The following IMPG1 variants were observed in gnomAD, a reference collection of about 807,000 sequenced individuals.
IMPG1 encodes the protein interphotoreceptor matrix proteoglycan 1.
IMPG1 carries 85 observed loss-of-function variants against 92.0 expected under a neutral mutation model. The observed-to-expected ratio is 0.92, with a 90% confidence interval of 0.78 to 1.11. The LOEUF is 1.11. IMPG1 is among the 50% of genes least tolerant of loss of function. IMPG1 has a pLI of 0.00. For missense variants in IMPG1, 1,022 were observed against 956.0 expected (o/e 1.07, Z -0.91); for synonymous variants, 367 against 334.1 (o/e 1.10, Z -1.08).
chr6:75,984,821 T>C (rs915831391), intron 12 of IMPG1, among the ~76,000 whole-genome samples: 8 of 152,064 alleles, frequency 5.3e-5, no homozygotes, highest in Non-Finnish European at 8.8e-5. Context: ...TGAGATCTAG[T>C]TGTTTAAAAG....
chr6:76,027,117 G>A (rs1258149588), intron 4 of IMPG1, among the ~76,000 whole-genome samples: 2 of 152,188 alleles, frequency 1.3e-5, no homozygotes, highest in African/African-American at 4.8e-5. Context: ...ACCTTGCAGT[G>A]CATGTGACTT....
chr6:75,950,506 TAAC>T, intron 13 of IMPG1, 53 bp downstream of exon 13: 1 of 1,409,870 alleles, frequency 7.1e-7, no homozygotes, highest in Non-Finnish European at 9.5e-7. Flanking sequence ...TATTATAAAA[TAAC>T]AACAAAGAAA....
chr6:76,065,026 C>T (rs1049647752), intron 1 of IMPG1, among the ~76,000 whole-genome samples: 1 of 151,964 alleles, frequency 6.6e-6, no homozygotes, highest in Non-Finnish European at 1.5e-5. Flanking sequence ...CTATTTTTCT[C>T]CCTTCAGGAT....
At chr6:75,933,890 G>A (rs1781700034) in intron 14 of IMPG1, among the ~76,000 whole-genome samples, 1 of 152,190 alleles carries the variant, frequency 6.6e-6, no homozygotes, top group Non-Finnish European at 1.5e-5. Flanking sequence ...AATCCATATG[G>A]ATATTGCCGA....
At position 76,011,224 on chromosome 6, in the gene IMPG1, T is replaced by A; in HGVS notation, c.808A>T (p.Met270Leu). ...GGAAGTTTCTTAAATATCTTTTGCA[T>A]CTGCAGAGAGAAAGAAATTTGTAAA... ...QELAGKSQLQ[M>L]QKIFKKLPGF... is the part of the protein sequence containing the mutation. Residue 270 changes from methionine (M) to leucine (L), a missense_variant and splice_region_variant, in exon 8 of 17, where the codon ATG becomes TTG. Met to Leu is a conservative substitution (Grantham distance 15). Coordinates refer to ENST00000369950, the MANE Select transcript of IMPG1 (RefSeq NM_001563.4). 1 of 1,529,788 alleles carries A rather than the reference T, an allele frequency of 6.5e-7. No homozygotes were observed. Among genetic ancestry groups the A allele is most frequent in the Non-Finnish European group, 9.0e-7 (1 of 1,105,234 alleles). 94.8% of individuals were successfully genotyped at this position (1,529,788 alleles called of 1,614,324 possible). A position where few individuals can be genotyped will look rare whatever the true frequency, so the allele number is the denominator to read the frequency against.
chr6:75,983,356 T>C (rs1782660441), intron 12 of IMPG1, among the ~76,000 whole-genome samples: 1 of 152,040 alleles, frequency 6.6e-6, no homozygotes, highest in African/African-American at 2.4e-5. Context: ...CAAAATAGCA[T>C]GGTACTGGCA....
At chr6:75,952,673 T>C (rs185147795) in intron 12 of IMPG1, among the ~76,000 whole-genome samples, 39 of 152,188 alleles carry the variant, frequency 2.6e-4, no homozygotes, top group African/African-American at 8.7e-4. Context: ...GTTCGGGCTC[T>C]AATCCCCAAT....
chr6:76,014,777 G>T (rs1317730498), intron 7 of IMPG1, among the ~76,000 whole-genome samples: 1 of 152,180 alleles, frequency 6.6e-6, no homozygotes. Context: ...AGCACTGCGG[G>T]GGAGAGCCCT....
intron 8 of IMPG1, among the ~76,000 whole-genome samples, chr6:76,008,091 G>C (rs927607385): frequency 6.6e-6 from 1 of 152,158 alleles, no homozygotes; most frequent in Non-Finnish European, 1.5e-5. Flanking sequence ...TGGGTGAGTG[G>C]TCTGTACTAA....
chr6:76,030,534 G>T (rs1171120588), intron 4 of IMPG1, among the ~76,000 whole-genome samples: 4 of 152,066 alleles, frequency 2.6e-5, no homozygotes, highest in Non-Finnish European at 5.9e-5. Context: ...CCCCTGAGAT[G>T]CATCCTCCAA....
chr6:75,962,273 C>A (rs1226750061), intron 12 of IMPG1, among the ~76,000 whole-genome samples: 2 of 151,848 alleles, frequency 1.3e-5, no homozygotes. Flanking sequence ...GCATGCACCA[C>A]CACACCCAGC....
At chr6:76,015,280 G>A (rs760528802) in intron 7 of IMPG1, among the ~76,000 whole-genome samples, 2 of 152,184 alleles carry the variant, frequency 1.3e-5, no homozygotes, top group Non-Finnish European at 2.9e-5. Flanking sequence ...CAGGCATTGG[G>A]CTGTGGTGGG....
intron 12 of IMPG1, among the ~76,000 whole-genome samples, chr6:75,974,387 CTTT>C (rs1562354756): frequency 0.013 from 778 of 60,858 alleles, 12 homozygotes; most frequent in East Asian, 0.024. Flanking sequence ...TTCTTTCTTT[CTTT>C]CTTTTCTTTC....
intron 12 of IMPG1, among the ~76,000 whole-genome samples, chr6:76,000,541 A>G (rs1355714877): frequency 6.6e-6 from 1 of 152,236 alleles, no homozygotes. Flanking sequence ...AAAAAAATTT[A>G]ATGATAAGCC....
chr6:75,990,764 A>T (rs1423894398), intron 12 of IMPG1, among the ~76,000 whole-genome samples: 1 of 152,186 alleles, frequency 6.6e-6, no homozygotes, highest in Admixed American at 6.5e-5. Flanking sequence ...TGACAACTGC[A>T]TGCAACTTGC....
chr6:75,951,997 A>T (rs902074690), intron 12 of IMPG1, among the ~76,000 whole-genome samples: 1 of 152,142 alleles, frequency 6.6e-6, no homozygotes, highest in Non-Finnish European at 1.5e-5. Flanking sequence ...CCACAGTTAC[A>T]TTATTACGCT....
chr6:76,011,283 T>G, intron 7 of IMPG1, 59 bp from the exon 8 acceptor site: 1 of 844,512 alleles, frequency 1.2e-6, no homozygotes, highest in Non-Finnish European at 2.0e-6. Flanking sequence ...AGTTCTTGCC[T>G]AACTGAAAAA....
At position 76,034,655 on chromosome 6, in the gene IMPG1, C is replaced by T. The variant is rs1783704845; in HGVS notation, c.434G>A (p.Ser145Asn). Residue 145 changes from serine to asparagine, a missense_variant, in exon 3 of 17, where the codon AGC becomes AAC. By Grantham distance (46) the Ser-to-Asn change is conservative. Around this residue, in one of 3 missense-constraint regions of IMPG1, gnomAD observed 681 missense variants for 583.6 expected, o/e 1.17. Coordinates refer to ENST00000369950, the MANE Select transcript of IMPG1 (RefSeq NM_001563.4). ...AAGATCCAGGTGCTCCTGGGAATTG[C>T]TGAAGTTTTTTCCAATGTCAAAGAG... Reference protein sequence around the residue: ...FCLFDIGKNFSNSQEHLDLLQ... With the variant: ...FCLFDIGKNFNNSQEHLDLLQ... The T allele has an allele frequency of 5.0e-6, 8 of 1,614,042 alleles. No individual in the cohort carries two copies. In the South Asian group the frequency reaches 8.8e-5, roughly 18 times the overall value.
intron 6 of IMPG1, among the ~76,000 whole-genome samples, chr6:76,020,138 A>G (rs554453584): frequency 6.6e-6 from 1 of 152,144 alleles, no homozygotes; most frequent in East Asian, 1.9e-4. Flanking sequence ...CTGCAGCCTC[A>G]ACCTCCCGGG....
Sources: gnomAD v4.1 joint callset for allele counts (sites outside exome capture counted in the v4.1 genomes callset) on GRCh38, gnomAD v4.1.1 for gene constraint, gnomAD v4.1.1 regional missense constraint, MANE v1.5 for transcripts, NCBI Gene and HGNC (gene_info 2026-07-23, HGNC 2026-07-21) for gene names.